Variants in RSRC1 observed in about 807,000 individuals in gnomAD.
RSRC1 encodes serine/Arginine-related protein 53.
A neutral mutation model predicts 49.1 loss-of-function variants in RSRC1; 39 were observed. The ratio of observed to expected loss-of-function variants is 0.79; its 90% CI spans 0.61 to 1.04. The LOEUF is 1.04. RSRC1 is among the 50% of genes least tolerant of loss of function. The pLI, the probability that RSRC1 is intolerant of heterozygous loss-of-function variation, is 0.00. For synonymous variants in RSRC1, 143 were observed against 130.8 expected (o/e 1.09, Z -0.63); for missense variants, 388 against 402.4 (o/e 0.96, Z 0.31).
intron 3 of RSRC1, among the ~76,000 whole-genome samples, chr3:158,170,800 A>G (rs1037853540): frequency 6.6e-6 from 1 of 151,778 alleles, no homozygotes; most frequent in Non-Finnish European, 1.5e-5. Context: ...TTTTTTCTTC[A>G]TTTTTCCCAT....
chr3:158,178,443 T>G (rs1719382666), intron 3 of RSRC1, among the ~76,000 whole-genome samples: 1 of 152,202 alleles, frequency 6.6e-6, no homozygotes, highest in Admixed American at 6.6e-5. Context: ...CTGGCCCCAG[T>G]TAAAGCTATT....
chr3:158,141,650 A>C (rs1328200047), intron 3 of RSRC1, among the ~76,000 whole-genome samples: 5 of 152,172 alleles, frequency 3.3e-5, no homozygotes, highest in African/African-American at 1.2e-4. Flanking sequence ...TTAAGAGTGT[A>C]GCTTATTACC....
intron 4 of RSRC1, among the ~76,000 whole-genome samples, chr3:158,238,908 A>G (rs1723400193): frequency 1.3e-5 from 2 of 152,242 alleles, no homozygotes; most frequent in South Asian, 2.1e-4. Context: ...AGCAAAAGAA[A>G]CTACCATCAG....
rs1040796485 is a variant in RSRC1, at chr3:158,172,714, A to C, written c.321-30358A>C. On this transcript the variant is annotated intron_variant, in intron 3 of 9. Transcript: ENST00000611884. Reference sequence around the variant, plus strand: ...TATTCACATGTCATCATCTTTTAGGATGTTTACTTAATCTATTTTTTAATA... The same window carrying C: ...TATTCACATGTCATCATCTTTTAGGCTGTTTACTTAATCTATTTTTTAATA... Among the ~76,000 whole-genome samples, 8 of 152,232 alleles carry C rather than the reference A, an allele frequency of 5.3e-5. No individual in the cohort carries two copies. The South Asian group carries it at 8.3e-4, about 16-fold the overall frequency.
rs142926117 is a variant in RSRC1 at position 158,396,387 on chromosome 3, G to T, written c.583+41479G>T. Among the ~76,000 whole-genome samples the T allele has an allele frequency of 2.0e-5, 3 of 146,394 alleles. No homozygotes were observed. In the Admixed American group the frequency reaches 2.1e-4, roughly 10 times the overall value. ...ATTATAAGCTGCTTTTTGGTGATGG[G>T]CAATGTTTTTTTTTTTTTTAATGAA... On this transcript the variant is annotated intron_variant, in intron 6 of 9. Transcript: ENST00000611884.
intron 3 of RSRC1, among the ~76,000 whole-genome samples, chr3:158,160,494 A>G (rs1408277160): frequency 1.3e-5 from 2 of 152,316 alleles, no homozygotes; most frequent in East Asian, 3.9e-4. Context: ...TGTGCCTATT[A>G]AACAAGCAGA....
chr3:158,543,260 C>T, intron 8 of RSRC1, 75 bp from the exon 9 acceptor site: 2 of 1,313,618 alleles, frequency 1.5e-6, no homozygotes, highest in Non-Finnish European at 2.0e-6. Flanking sequence ...AGTTGTTATT[C>T]AAAATCAGAA....
At chr3:158,514,104 G>T (rs576522272) in intron 7 of RSRC1, among the ~76,000 whole-genome samples, 3 of 152,126 alleles carry the variant, frequency 2.0e-5, no homozygotes, top group Non-Finnish European at 2.9e-5. Flanking sequence ...GGTTTTCTGT[G>T]TCTCTATTTC....
chr3:158,452,176 T>C (rs191445701), intron 6 of RSRC1, among the ~76,000 whole-genome samples: 6 of 152,260 alleles, frequency 3.9e-5, no homozygotes, highest in South Asian at 2.1e-4. Flanking sequence ...AGCATTAAAT[T>C]AATATTAAAC....
chr3:158,289,522 A>G lies in RSRC1; in HGVS notation c.495-8517A>G, dbSNP rs184965891. 1.9e-3 allele frequency among the ~76,000 whole-genome samples: 292 copies of G among 152,362 alleles called. 1 individual carries two copies. Among genetic ancestry groups the G allele is most frequent in the African/African-American group, 6.7e-3 (280 of 41,588 alleles). On this transcript the variant is annotated intron_variant, in intron 4 of 9. Coordinates refer to ENST00000611884, the MANE Select transcript of RSRC1 (RefSeq NM_001271838.2). ...AGACTTACCTGTGCAAATGATTTAT[A>G]AGTTCTAGAGCTTTATTTATTACCG...
rs369071900 is a variant in RSRC1, at chr3:158,195,495, T to G, written c.321-7577T>G. Reference sequence around the variant, plus strand: ...TTTCTTTTGCTGTGCAGAAGCTCTTTAGTTTAATTAGATCCTGTTTGTCAG... The same window carrying G: ...TTTCTTTTGCTGTGCAGAAGCTCTTGAGTTTAATTAGATCCTGTTTGTCAG... On this transcript the variant is annotated intron_variant, in intron 3 of 9. Transcript: ENST00000611884. Among the ~76,000 whole-genome samples, 30 of 152,256 alleles carry G rather than the reference T, an allele frequency of 2.0e-4. No homozygotes were observed. In the South Asian group the frequency reaches 4.8e-3, roughly 24 times the overall value.
chr3:158,121,775 T>C (rs1165180313), intron 1 of RSRC1, among the ~76,000 whole-genome samples: 1 of 152,188 alleles, frequency 6.6e-6, no homozygotes, highest in Non-Finnish European at 1.5e-5. Context: ...CTCAGTCTTG[T>C]CAAGAAGCCA....
rs1050852349 is a variant in RSRC1 at position 158,257,431 on chromosome 3, G to A, written c.495-40608G>A. 1.1e-4 allele frequency among the ~76,000 whole-genome samples: 16 copies of A among 151,992 alleles called. 1 individual carries two copies. Among genetic ancestry groups the A allele is most frequent in the African/African-American group, 3.4e-4 (14 of 41,388 alleles). On this transcript the variant is annotated intron_variant, in intron 4 of 9. Transcript: ENST00000611884. ...TTGTTTTAGGTTTTGTTTAGAAATC[G>A]ATTTTGTCTGATATACATATGGTTA... is the stretch of plus-strand genomic sequence containing the variant.
chr3:158,395,912 A>G (rs181899943), intron 6 of RSRC1, among the ~76,000 whole-genome samples: 278 of 152,218 alleles, frequency 1.8e-3, no homozygotes, highest in Non-Finnish European at 1.7e-3. Flanking sequence ...GTATTCACAC[A>G]CTCAAAGACA....
intron 6 of RSRC1, among the ~76,000 whole-genome samples, chr3:158,439,627 A>G (rs1736262256): frequency 6.6e-6 from 1 of 152,090 alleles, no homozygotes; most frequent in Admixed American, 6.6e-5. Flanking sequence ...GAACACATGG[A>G]CACAGGACGG....
At chr3:158,365,239 T>G (rs576309948) in intron 6 of RSRC1, among the ~76,000 whole-genome samples, 1 of 152,314 alleles carries the variant, frequency 6.6e-6, no homozygotes, top group Non-Finnish European at 1.5e-5. Flanking sequence ...CATGGTGGTT[T>G]GCTGTACCCA....
At chr3:158,437,993 C>T (rs1020305396) in intron 6 of RSRC1, among the ~76,000 whole-genome samples, 4 of 152,114 alleles carry the variant, frequency 2.6e-5, no homozygotes, top group East Asian at 1.9e-4. Context: ...AATCAATGTG[C>T]GAAAATCACA....
chr3:158,255,137 C>T (rs139947493), intron 4 of RSRC1, among the ~76,000 whole-genome samples: 90 of 152,282 alleles, frequency 5.9e-4, no homozygotes, highest in Non-Finnish European at 8.4e-4. Flanking sequence ...GAAGTCCTTG[C>T]CCATGCCTGT....
intron 4 of RSRC1, among the ~76,000 whole-genome samples, chr3:158,221,754 C>T (rs535633104): frequency 6.6e-6 from 1 of 151,582 alleles, no homozygotes; most frequent in South Asian, 2.1e-4. Context: ...CCTGCCAGTT[C>T]TTCAAAATAG....
Sources: allele counts gnomAD v4.1 joint callset (sites outside exome capture counted in the v4.1 genomes callset), GRCh38; gene constraint gnomAD v4.1.1; transcripts MANE v1.5; gene names NCBI Gene and HGNC (gene_info 2026-07-23, HGNC 2026-07-21).